Variants in HOXC4 observed in about 807,000 individuals in gnomAD.
The protein encoded by HOXC4 is homeobox protein Hox-C4.
In HOXC4, 15 loss-of-function variants were observed where a neutral mutation model predicts 25.5. The observed-to-expected ratio is 0.59, with a 90% CI of 0.39 to 0.91. HOXC4 has a LOEUF of 0.91. Ranked by LOEUF, HOXC4 falls within the 40% of genes least tolerant of loss-of-function variation. The pLI is 0.00. For missense variants in HOXC4, 342 were observed against 352.4 expected, an observed-to-expected ratio of 0.97 and a Z score of 0.24; for synonymous variants, 165 against 148.0, an observed-to-expected ratio of 1.11 and a Z score of -0.83.
chr12:54,051,418 A>G (rs1426106421), upstream of HOXC4, among the ~76,000 whole-genome samples: 1 of 134,984 alleles, frequency 7.4e-6, no homozygotes, highest in Non-Finnish European at 1.6e-5. Flanking sequence ...CCCCACCACC[A>G]ATGATTAAGA....
At chr12:54,029,414 C>T (rs1480173615) in intron 1 of HOXC4, among the ~76,000 whole-genome samples, 3 of 136,056 alleles carry the variant, frequency 2.2e-5, no homozygotes, top group African/African-American at 8.1e-5. Flanking sequence ...CCCCCCCGCC[C>T]CCCCCCCCAC....
At chr12:54,039,929 G>A (rs1357999401) in intron 1 of HOXC4, among the ~76,000 whole-genome samples, 1 of 152,066 alleles carries the variant, frequency 6.6e-6, no homozygotes, top group Non-Finnish European at 1.5e-5. Flanking sequence ...TTTACATAGC[G>A]TCCCTTGAGC....
At chr12:54,029,511 C>A in intron 1 of HOXC4, 1 of 577,010 alleles carries the variant, frequency 1.7e-6, no homozygotes, top group Non-Finnish European at 2.6e-6. Context: ...GGGGGTGGGG[C>A]AAGGCAAAAG....
At chr12:54,036,858 C>T (rs990531144) in intron 1 of HOXC4, among the ~76,000 whole-genome samples, 5 of 152,244 alleles carry the variant, frequency 3.3e-5, no homozygotes, top group Admixed American at 3.3e-4. Flanking sequence ...GTTCCAGCCT[C>T]CCAGGCTGCC....
chr12:54,018,568 G>C (rs549625757), intron 1 of HOXC4, among the ~76,000 whole-genome samples: 46 of 152,344 alleles, frequency 3.0e-4, no homozygotes, highest in African/African-American at 1.1e-3. Flanking sequence ...GACGCATATG[G>C]TTTCATAACA....
intron 1 of HOXC4, chr12:54,033,149 C>A: frequency 1.2e-6 from 2 of 1,613,324 alleles, no homozygotes; most frequent in Non-Finnish European, 1.7e-6. Context: ...CCAATTCATT[C>A]TATAAGCAGA....
intron 1 of HOXC4, chr12:54,034,311 C>G (rs774117611): frequency 1.9e-6 from 3 of 1,614,012 alleles, no homozygotes; most frequent in Middle Eastern, 1.6e-4. Flanking sequence ...ACCAGTTACA[C>G]GCGCTACCAG....
chr12:54,049,020 G>A (rs892390993), upstream of HOXC4, among the ~76,000 whole-genome samples: 1 of 152,164 alleles, frequency 6.6e-6, no homozygotes, highest in Non-Finnish European at 1.5e-5. Context: ...ATCAAAGTTA[G>A]CAAGGGACAC....
At chr12:54,038,114 G>T (rs1941218122) in intron 1 of HOXC4, 1 of 152,158 alleles carries the variant, frequency 6.6e-6, no homozygotes, top group African/African-American at 2.4e-5. Flanking sequence ...TTAGGGGGAG[G>T]GGGAAAAGGC....
At chr12:54,027,259 G>C (rs1431751162) in intron 1 of HOXC4, among the ~76,000 whole-genome samples, 2 of 152,162 alleles carry the variant, frequency 1.3e-5, no homozygotes, top group African/African-American at 2.4e-5. Flanking sequence ...CGGGTGACTG[G>C]CACTTGGGTG....
At chr12:54,048,620 C>A (rs1428670778) in intron 1 of HOXC4, among the ~76,000 whole-genome samples, 1 of 152,134 alleles carries the variant, frequency 6.6e-6, no homozygotes, top group Non-Finnish European at 1.5e-5. Context: ...GATTCCCTTG[C>A]CTACTGTAGA....
chr12:54,029,397 T>C (rs1940882429), intron 1 of HOXC4, among the ~76,000 whole-genome samples: 1 of 102,648 alleles, frequency 9.7e-6, no homozygotes, highest in Admixed American at 9.5e-5. Flanking sequence ...GTTTGCCTTT[T>C]GCCCCGCCCC....
At chr12:54,020,768 A>T (rs567130173) in intron 1 of HOXC4, 1 of 152,282 alleles carries the variant, frequency 6.6e-6, no homozygotes. Context: ...ATATGTGCTC[A>T]CTGGAATCGG....
In HOXC4 at chr12:54,055,859, T is replaced by C. The variant is rs1392966614; in HGVS notation, c.*654T>C. The C allele has an allele frequency of 6.6e-6, 1 of 152,636 alleles. No homozygotes were observed. Among genetic ancestry groups the C allele is most frequent in the Non-Finnish European group, 1.5e-5 (1 of 68,052 alleles). The allele number at this position is 152,636 out of a possible 1,614,324, so 9.5% of individuals were successfully genotyped here. On this transcript the variant is annotated 3_prime_UTR_variant, in exon 2 of 2. Coordinates refer to ENST00000430889, the MANE Select transcript of HOXC4 (RefSeq NM_153633.3). ...GAGCCAAAAGAAAATCAAAATGAAC[T>C]TTCAGTTCAGAGAGGCAGTCTATAG...
chr12:54,033,439 C>G (rs745951201), intron 1 of HOXC4: 5 of 1,601,412 alleles, frequency 3.1e-6, no homozygotes, highest in Non-Finnish European at 4.3e-6. Context: ...GCGGCTCGCC[C>G]GGCGCTGGAG....
intron 1 of HOXC4, among the ~76,000 whole-genome samples, chr12:54,043,879 C>T (rs1365697358): frequency 6.0e-5 from 9 of 149,976 alleles, no homozygotes; most frequent in Non-Finnish European, 1.2e-4. Context: ...CTAGTAAATA[C>T]TTCTTTTAAA....
intron 1 of HOXC4, among the ~76,000 whole-genome samples, chr12:54,017,960 GC>G (rs1186532078): frequency 6.6e-6 from 1 of 152,186 alleles, no homozygotes; most frequent in African/African-American, 2.4e-5. Context: ...CGCAGTGTGG[GC>G]CCAGGGCCGG....
chr12:54,052,235 C>G (rs1236467656), upstream of HOXC4, among the ~76,000 whole-genome samples: 1 of 152,144 alleles, frequency 6.6e-6, no homozygotes, highest in Non-Finnish European at 1.5e-5. Flanking sequence ...GCGCCGCCGC[C>G]GACACAAAGA....
At position 54,055,098 on chromosome 12, in the gene HOXC4, G is replaced by A; in HGVS notation, c.688G>A (p.Ala230Thr). 6.2e-7 allele frequency: 1 copy of A among 1,613,144 alleles called. No homozygotes were observed. Among genetic ancestry groups the A allele is most frequent in the East Asian group, 2.2e-5 (1 of 44,832 alleles). Residue 230 changes from alanine to threonine, a missense_variant, in exon 2 of 2, where the codon GCT becomes ACT. Ala to Thr is a moderately conservative substitution (Grantham distance 58). Coordinates refer to ENST00000430889, the MANE Select transcript of HOXC4 (RefSeq NM_153633.3). ...AGTCAGGTCAGCACCCCCGGCCGGC[G>A]CTGCGCCCAGCACCCTTTCGGCAGC... The part of the protein sequence containing the change: ...TKVRSAPPAG[A>T]APSTLSAATP...
Sources: gnomAD v4.1 joint callset for allele counts (sites outside exome capture counted in the v4.1 genomes callset) on GRCh38, gnomAD v4.1.1 for gene constraint, MANE v1.5 for transcripts, NCBI Gene and HGNC (gene_info 2026-07-23, HGNC 2026-07-21) for gene names.